Variants in CNTNAP5 observed in about 807,000 individuals in gnomAD.
CNTNAP5 encodes contactin-associated protein-like 5.
CNTNAP5 carries 72 observed loss-of-function variants against 150.2 expected under a neutral mutation model. That is an observed-to-expected ratio of 0.48 (90% CI 0.40 to 0.58). The LOEUF (loss-of-function observed/expected upper bound fraction) is 0.58. CNTNAP5 is among the 20% of genes least tolerant of loss of function. The probability of loss-of-function intolerance (pLI) is 0.00; values close to 1 mark genes in which losing one functional copy is unlikely to be tolerated. For missense variants in CNTNAP5, 1,636 were observed against 1,626.2 expected, an observed-to-expected ratio of 1.01 and a Z score of -0.10; for synonymous variants, 672 against 619.8, an observed-to-expected ratio of 1.08 and a Z score of -1.25.
intron 3 of CNTNAP5, among the ~76,000 whole-genome samples, chr2:124,322,331 C>G (rs1427101289): frequency 6.6e-6 from 1 of 152,118 alleles, no homozygotes; most frequent in East Asian, 1.9e-4. Flanking sequence ...ACCTGCAGCA[C>G]AGGTTAGAGA....
At chr2:124,325,843 G>T (rs1689202803) in intron 3 of CNTNAP5, among the ~76,000 whole-genome samples, 1 of 152,088 alleles carries the variant, frequency 6.6e-6, no homozygotes, top group Admixed American at 6.6e-5. Context: ...AAGAAATTAT[G>T]ACTATAGACC....
intron 13 of CNTNAP5, among the ~76,000 whole-genome samples, chr2:124,690,616 C>T (rs1458817516): frequency 1.3e-5 from 2 of 152,126 alleles, no homozygotes; most frequent in African/African-American, 2.4e-5. Flanking sequence ...CTGGGATCTC[C>T]AGCCTCTCTC....
intron 19 of CNTNAP5, among the ~76,000 whole-genome samples, chr2:124,827,256 A>T (rs771614918): frequency 2.0e-4 from 30 of 152,062 alleles, no homozygotes; most frequent in Admixed American, 6.6e-4. Flanking sequence ...AAACATTGGC[A>T]TTACCAAGCA....
intron 13 of CNTNAP5, among the ~76,000 whole-genome samples, chr2:124,742,124 T>A (rs1680508658): frequency 6.6e-6 from 1 of 152,168 alleles, no homozygotes; most frequent in African/African-American, 2.4e-5. Flanking sequence ...AGAGGCTCAC[T>A]GTGTTGAAAT....
chr2:124,179,448 T>C (rs997380876), intron 1 of CNTNAP5, among the ~76,000 whole-genome samples: 8 of 152,274 alleles, frequency 5.3e-5, no homozygotes, highest in Non-Finnish European at 1.0e-4. Context: ...GCGTGAAGCA[T>C]CATGCCCGGC....
At chr2:124,744,677 C>G (rs892336815) in intron 13 of CNTNAP5, among the ~76,000 whole-genome samples, 6 of 152,028 alleles carry the variant, frequency 3.9e-5, no homozygotes, top group African/African-American at 1.4e-4. Context: ...ATGCTTTGTT[C>G]CTTCACTTTT....
intron 3 of CNTNAP5, among the ~76,000 whole-genome samples, chr2:124,343,100 C>T (rs181294239): frequency 2.6e-5 from 4 of 152,010 alleles, no homozygotes; most frequent in South Asian, 2.1e-4. Flanking sequence ...TTGTGGACAA[C>T]GAGACAAGAC....
intron 3 of CNTNAP5, among the ~76,000 whole-genome samples, chr2:124,417,018 A>ACCTCCG (rs1199069453): frequency 1.4e-5 from 2 of 146,752 alleles, no homozygotes; most frequent in African/African-American, 2.5e-5. Context: ...GCTCACTGCA[A>ACCTCCG]CCTCCGCCTC....
intron 13 of CNTNAP5, among the ~76,000 whole-genome samples, chr2:124,682,476 T>C (rs1426253000): frequency 6.6e-6 from 1 of 152,174 alleles, no homozygotes; most frequent in East Asian, 1.9e-4. Context: ...GCTTTTTTAA[T>C]GGAACGTCAA....
intron 19 of CNTNAP5, among the ~76,000 whole-genome samples, chr2:124,810,055 C>T (rs1234064656): frequency 1.3e-5 from 2 of 152,148 alleles, no homozygotes; most frequent in Non-Finnish European, 2.9e-5. Context: ...AACTGGAATC[C>T]TATGTTTAGT....
chr2:124,858,743 A>G (rs1374382136), intron 19 of CNTNAP5, among the ~76,000 whole-genome samples: 1 of 152,222 alleles, frequency 6.6e-6, no homozygotes, highest in Admixed American at 6.5e-5. Flanking sequence ...ATATCACCAG[A>G]GAAAACTTCA....
chr2:124,339,676 G>A (rs866839330), intron 3 of CNTNAP5, among the ~76,000 whole-genome samples: 8 of 152,166 alleles, frequency 5.3e-5, no homozygotes, highest in Middle Eastern at 3.2e-3. Flanking sequence ...CCATGACATT[G>A]TATTAAAGAG....
At chr2:124,641,331 G>C (rs1328013404) in intron 12 of CNTNAP5, among the ~76,000 whole-genome samples, 5 of 152,034 alleles carry the variant, frequency 3.3e-5, no homozygotes, top group Non-Finnish European at 7.4e-5. Flanking sequence ...GGGTGGCAGA[G>C]CTGGCATTGG....
chr2:124,221,625 A>G, intron 1 of CNTNAP5, 80 bp from the exon 2 acceptor site: 1 of 941,616 alleles, frequency 1.1e-6, no homozygotes, highest in Non-Finnish European at 1.7e-6. Flanking sequence ...ATGGTAGTTA[A>G]TTTCTCAACT....
chr2:124,035,998 C>A (rs539381141), intron 1 of CNTNAP5, among the ~76,000 whole-genome samples: 2 of 143,702 alleles, frequency 1.4e-5, no homozygotes, highest in Non-Finnish European at 3.0e-5. Flanking sequence ...AATCTCGGCT[C>A]ACTGCAAGCT....
chr2:124,472,855 GT>G (rs1693549147), intron 6 of CNTNAP5, among the ~76,000 whole-genome samples: 1 of 151,818 alleles, frequency 6.6e-6, no homozygotes, highest in Non-Finnish European at 1.5e-5. Flanking sequence ...TGGAAAAATA[GT>G]GCTGAGAGAC....
chr2:124,539,598 A>C (rs925185239), intron 10 of CNTNAP5, among the ~76,000 whole-genome samples: 3 of 152,192 alleles, frequency 2.0e-5, no homozygotes, highest in Non-Finnish European at 2.9e-5. Flanking sequence ...AACATGTTAT[A>C]ACTGCAAGGT....
intron 7 of CNTNAP5, among the ~76,000 whole-genome samples, chr2:124,491,291 A>C (rs1694018984): frequency 6.6e-6 from 1 of 152,098 alleles, no homozygotes; most frequent in South Asian, 2.1e-4. Flanking sequence ...GAGATACCAC[A>C]TATTTGCCTT....
chr2:124,683,489 A>G (rs1679117101), intron 13 of CNTNAP5, among the ~76,000 whole-genome samples: 1 of 152,140 alleles, frequency 6.6e-6, no homozygotes, highest in African/African-American at 2.4e-5. Flanking sequence ...CCATCACCCA[A>G]GCAGTGTACG....
Sources: gnomAD v4.1 joint callset for allele counts (sites outside exome capture counted in the v4.1 genomes callset) on GRCh38, gnomAD v4.1.1 for gene constraint, MANE v1.5 for transcripts, NCBI Gene and HGNC (gene_info 2026-07-23, HGNC 2026-07-21) for gene names.